Variants in RIN3 observed in about 807,000 individuals in gnomAD.
RIN3 encodes RAB5 interacting protein 3.
RIN3 carries 54 observed loss-of-function variants against 76.3 expected under a neutral mutation model. That is an observed-to-expected ratio of 0.71 (90% CI 0.57 to 0.89). RIN3 has a LOEUF of 0.89. Ranked by LOEUF, RIN3 falls within the 40% of genes least tolerant of loss-of-function variation. The pLI, the probability that RIN3 is intolerant of heterozygous loss-of-function variation, is 0.00. For missense variants in RIN3, 1,256 were observed against 1,322.1 expected (o/e 0.95, Z 0.78); for synonymous variants, 576 against 564.0 (o/e 1.02, Z -0.30).
intron 3 of RIN3, among the ~76,000 whole-genome samples, chr14:92,582,363 C>T (rs1274432334): frequency 2.0e-5 from 3 of 151,582 alleles, no homozygotes; most frequent in Admixed American, 1.3e-4. Context: ...CTTCCATCAT[C>T]GTTCATGTGC....
chr14:92,559,509 A>T (rs976559902), intron 2 of RIN3, among the ~76,000 whole-genome samples: 1 of 152,224 alleles, frequency 6.6e-6, no homozygotes, highest in African/African-American at 2.4e-5. Context: ...GATGGGTGAG[A>T]TACAATCTTA....
At chr14:92,667,250 C>T (rs1347913963) in intron 7 of RIN3, among the ~76,000 whole-genome samples, 3 of 152,154 alleles carry the variant, frequency 2.0e-5, no homozygotes, top group South Asian at 2.1e-4. Context: ...CGGTGGCTCA[C>T]GCCTGTAATC....
chr14:92,592,931 C>G (rs1377071890), intron 3 of RIN3, among the ~76,000 whole-genome samples: 2 of 152,038 alleles, frequency 1.3e-5, no homozygotes, highest in African/African-American at 4.8e-5. Context: ...GCCTCGGCCT[C>G]CCAAAGTGCT....
At chr14:92,659,491 G>A in intron 7 of RIN3, 22 bp downstream of exon 7, 2 of 1,570,596 alleles carry the variant, frequency 1.3e-6, no homozygotes, top group South Asian at 1.2e-5. Flanking sequence ...GCCGGGAGGG[G>A]TCTGGGTGAG....
chr14:92,580,140 G>T (rs1783818363), intron 3 of RIN3, among the ~76,000 whole-genome samples: 1 of 152,250 alleles, frequency 6.6e-6, no homozygotes, highest in African/African-American at 2.4e-5. Flanking sequence ...ACTTCGGGAG[G>T]CCGAGGCAGG....
intron 1 of RIN3, among the ~76,000 whole-genome samples, chr14:92,526,424 A>G (rs1261492992): frequency 6.6e-6 from 1 of 151,292 alleles, no homozygotes; most frequent in African/African-American, 2.4e-5. Flanking sequence ...ACACCACTGC[A>G]CTCCAGCCTG....
Position 92,596,716 on chromosome 14 carries a change from G to A in RIN3, c.368-18691G>A, listed in dbSNP as rs191810920. ...TATTAACGTGCTTTATGTTCATTGC[G>A]AAGTACCAGAGTTGTGCAGAAAGGG... On this transcript the variant is annotated intron_variant, in intron 3 of 9. Coordinates refer to ENST00000216487, the MANE Select transcript of RIN3 (RefSeq NM_024832.5). Among the ~76,000 whole-genome samples, 23 of 152,284 alleles carry A rather than the reference G, an allele frequency of 1.5e-4. No individual in the cohort carries two copies. In the East Asian group the frequency reaches 3.7e-3, roughly 24 times the overall value.
Position 92,651,998 on chromosome 14 carries a change from G to A in RIN3, c.949G>A (p.Val317Met). 1.6e-6 allele frequency: 2 copies of A among 1,223,366 alleles called. No homozygotes were observed. Among genetic ancestry groups the A allele is most frequent in the South Asian group, 1.5e-5 (1 of 65,664 alleles). 75.8% of individuals were successfully genotyped at this position (1,223,366 alleles called of 1,614,324 possible). ...CTGTCCTTTGCCCACCTCTCCCCCAGTGCCTGCCCCCCACGTCACACCCCA... is the reference window on the plus strand; with the variant it reads ...CTGTCCTTTGCCCACCTCTCCCCCAATGCCTGCCCCCCACGTCACACCCCA... The part of the protein sequence containing the change: ...PACPLPTSPP[V>M]PAPHVTPHAP... Residue 317 changes from valine (V) to methionine (M), a missense_variant, in exon 6 of 10, where the codon GTG becomes ATG. This residue lies in a region of RIN3 where 610 missense variants were observed against 626.4 expected (regional missense o/e 0.97). Coordinates refer to ENST00000216487, the MANE Select transcript of RIN3 (RefSeq NM_024832.5).
chr14:92,687,040 G>A (rs1888884777), intron 9 of RIN3: 1 of 152,372 alleles, frequency 6.6e-6, no homozygotes, highest in Non-Finnish European at 1.5e-5. Context: ...TTCCCGCGCA[G>A]GCCTGCTGTT....
chr14:92,667,747 T>C (rs1324780582), intron 7 of RIN3, among the ~76,000 whole-genome samples: 1 of 152,058 alleles, frequency 6.6e-6, no homozygotes, highest in Admixed American at 6.5e-5. Context: ...TTCTCACTCA[T>C]GTAAGTCCAA....
At chr14:92,649,427 C>T (rs2146496) in intron 5 of RIN3, among the ~76,000 whole-genome samples, 6,275 of 151,886 alleles carry the variant, frequency 0.041, 264 homozygotes, top group East Asian at 0.2. Flanking sequence ...GTGCTTCAAA[C>T]ACTCACTCCA....
At chr14:92,684,456 C>T (rs921234152) in intron 8 of RIN3, among the ~76,000 whole-genome samples, 18 of 150,274 alleles carry the variant, frequency 1.2e-4, no homozygotes, top group Admixed American at 3.3e-4. Context: ...TGTAATGTAT[C>T]GAATACTTTA....
intron 1 of RIN3, among the ~76,000 whole-genome samples, chr14:92,517,248 G>A (rs1896466829): frequency 6.6e-6 from 1 of 152,178 alleles, no homozygotes. Flanking sequence ...TTGTGGGGCA[G>A]GGAGTGCACC....
At chr14:92,611,575 G>A (rs1359312964) in intron 3 of RIN3, among the ~76,000 whole-genome samples, 1 of 152,150 alleles carries the variant, frequency 6.6e-6, no homozygotes, top group African/African-American at 2.4e-5. Flanking sequence ...TTCTTATGAG[G>A]ACACCAACCG....
chr14:92,600,145 A>G (rs1203897418), intron 3 of RIN3, among the ~76,000 whole-genome samples: 3 of 152,254 alleles, frequency 2.0e-5, no homozygotes, highest in Admixed American at 6.5e-5. Context: ...AAATAGACAA[A>G]GATGAGGAAG....
intron 4 of RIN3, among the ~76,000 whole-genome samples, chr14:92,617,528 A>G (rs1270227651): frequency 6.6e-6 from 1 of 152,170 alleles, no homozygotes; most frequent in Non-Finnish European, 1.5e-5. Flanking sequence ...GAGAGACCAT[A>G]TGACATTCTA....
At position 92,638,376 on chromosome 14, in the gene RIN3, G is replaced by C. The variant is rs148433514; in HGVS notation, c.441-2862G>C. Among the ~76,000 whole-genome samples, 718 of 152,310 alleles carry C rather than the reference G, an allele frequency of 4.7e-3. 9 individuals carry two copies. The highest frequency in any genetic ancestry group is 0.015 in the African/African-American group (619 of 41,562). On this transcript the variant is annotated intron_variant, in intron 4 of 9. Coordinates refer to ENST00000216487, the MANE Select transcript of RIN3 (RefSeq NM_024832.5). ...AAGGGACTGTGGAGGGCGGATGTTGGGGGGGCAAGCCGGAAAGGCAGAGCA... is the reference window on the plus strand; with the variant it reads ...AAGGGACTGTGGAGGGCGGATGTTGCGGGGGCAAGCCGGAAAGGCAGAGCA...
At chr14:92,642,995 A>T (rs1467838293) in intron 5 of RIN3, among the ~76,000 whole-genome samples, 1 of 152,214 alleles carries the variant, frequency 6.6e-6, no homozygotes, top group Admixed American at 6.5e-5. Context: ...AGCACATGGC[A>T]GAGCTTGGAT....
At chr14:92,539,365 C>T (rs893767076) in intron 1 of RIN3, among the ~76,000 whole-genome samples, 2 of 152,180 alleles carry the variant, frequency 1.3e-5, no homozygotes, top group African/African-American at 2.4e-5. Flanking sequence ...TGGGCACTAT[C>T]CTGAACTCTT....
Sources: gnomAD v4.1 joint callset for allele counts (sites outside exome capture counted in the v4.1 genomes callset) on GRCh38, gnomAD v4.1.1 for gene constraint, gnomAD v4.1.1 regional missense constraint, MANE v1.5 for transcripts, NCBI Gene and HGNC (gene_info 2026-07-23, HGNC 2026-07-21) for gene names.